ASAP3: variants seen among roughly 807,000 people sequenced by gnomAD.
ASAP3 encodes ArfGAP with SH3 domain, ankyrin repeat and PH domain 3.
A neutral mutation model predicts 118.2 loss-of-function variants in ASAP3; 85 were observed. The observed-to-expected ratio is 0.72, with a 90% CI of 0.60 to 0.86. The LOEUF (loss-of-function observed/expected upper bound fraction) is 0.86. Ranked by LOEUF, ASAP3 falls within the 40% of genes least tolerant of loss-of-function variation. The pLI, the probability that ASAP3 is intolerant of heterozygous loss-of-function variation, is 0.00. For missense variants in ASAP3, 1,026 were observed against 1,175.0 expected, an observed-to-expected ratio of 0.87 and a Z score of 1.85; for synonymous variants, 432 against 477.4, an observed-to-expected ratio of 0.90 and a Z score of 1.24.
chr1:23,471,806 G>A (rs545231642), intron 1 of ASAP3, among the ~76,000 whole-genome samples: 1 of 152,216 alleles, frequency 6.6e-6, no homozygotes. Flanking sequence ...AGCTATTCCT[G>A]CCCAGCAGAC....
chr1:23,456,093 C>T (rs1641375623), intron 2 of ASAP3, 29 bp downstream of exon 2: 2 of 1,613,904 alleles, frequency 1.2e-6, no homozygotes, highest in Non-Finnish European at 1.7e-6. Flanking sequence ...GCTTCCTGAC[C>T]AGGCGGGGCA....
intron 4 of ASAP3, among the ~76,000 whole-genome samples, chr1:23,451,850 G>A (rs1293306676): frequency 6.6e-6 from 1 of 152,206 alleles, no homozygotes; most frequent in African/African-American, 2.4e-5. Flanking sequence ...CTCTTGCTCA[G>A]AAGAGAGATC....
In ASAP3 at chr1:23,436,732, C is replaced by T; in HGVS notation, c.1477-78G>A. On this transcript the variant is annotated intron_variant, in intron 15 of 24. Coordinates refer to ENST00000336689, the MANE Select transcript of ASAP3 (RefSeq NM_017707.4). The surrounding 1 kb of genome is among the most constrained non-coding windows in gnomAD (Gnocchi z 4.2). ...CTGCATAGGGTGGAGCTCCAAGCCC[C>T]CAGAGTCCCGCCCCTCGGCCGCCCT... The T allele has an allele frequency of 6.3e-7, 1 of 1,588,888 alleles. No homozygotes were observed. Among genetic ancestry groups the T allele is most frequent in the South Asian group, 1.1e-5 (1 of 89,772 alleles).
rs567602365 is a variant in ASAP3, at chr1:23,429,048, A to G, written c.*808T>C. On this transcript the variant is annotated 3_prime_UTR_variant, in exon 25 of 25. Coordinates refer to ENST00000336689, the MANE Select transcript of ASAP3 (RefSeq NM_017707.4). Reference sequence around the variant, plus strand: ...CTATTCCTTTCCTTCCTGCTAAATCAAGGACACAGGCAAATGTGGGTGCAT... The same window carrying G: ...CTATTCCTTTCCTTCCTGCTAAATCGAGGACACAGGCAAATGTGGGTGCAT... The G allele has an allele frequency of 2.6e-5, 4 of 154,832 alleles. No homozygotes were observed. In the East Asian group the frequency reaches 7.7e-4, roughly 30 times the overall value. The allele number at this position is 154,832 out of a possible 1,614,324, so 9.6% of individuals were successfully genotyped here.
At chr1:23,457,241 C>T (rs183555183) in intron 1 of ASAP3, among the ~76,000 whole-genome samples, 2 of 152,244 alleles carry the variant, frequency 1.3e-5, no homozygotes, top group East Asian at 3.9e-4. Flanking sequence ...ACCACAGCCC[C>T]ACCCTGACCC....
chr1:23,462,210 G>A (rs1641615349), intron 1 of ASAP3, among the ~76,000 whole-genome samples: 1 of 151,410 alleles, frequency 6.6e-6, no homozygotes, highest in Non-Finnish European at 1.5e-5. Context: ...TTTTTTAGTA[G>A]AGACGGGGTT....
chr1:23,462,215 G>A (rs557791864), intron 1 of ASAP3, among the ~76,000 whole-genome samples: 35 of 151,392 alleles, frequency 2.3e-4, no homozygotes, highest in African/African-American at 7.3e-4. Context: ...TAGTAGAGAC[G>A]GGGTTTCACC....
chr1:23,435,875 C>G lies in ASAP3; in HGVS notation c.1725G>C (p.Gln575His), dbSNP rs1170461118. The change falls in exon 17 of 25, where the codon CAG (glutamine) becomes CAC (histidine). Residue 575 changes from glutamine to histidine, a missense_variant. By Grantham distance (24) the Gln-to-His change is conservative (BLOSUM62 0). Coordinates refer to ENST00000336689, the MANE Select transcript of ASAP3 (RefSeq NM_017707.4). ...EAFANGQDFG[Q>H]PLPGPDAQAP... ...CCTGTGCATCAGGCCCTGGCAGCGGCTGTCCAAAGTCCTGCCCATTGGCAA... is the reference window on the plus strand; with the variant it reads ...CCTGTGCATCAGGCCCTGGCAGCGGGTGTCCAAAGTCCTGCCCATTGGCAA... 1.2e-6 allele frequency: 2 copies of G among 1,614,166 alleles called. No individual in the cohort carries two copies. The highest frequency in any genetic ancestry group is 3.3e-5 in the Admixed American group (2 of 60,018).
chr1:23,473,830 C>T (rs915612544), intron 1 of ASAP3, among the ~76,000 whole-genome samples: 1 of 151,962 alleles, frequency 6.6e-6, no homozygotes, highest in African/African-American at 2.4e-5. Flanking sequence ...GTTGGGTCCC[C>T]AGTCCATCCT....
At chr1:23,477,340 G>A (rs1267209218) in intron 1 of ASAP3, among the ~76,000 whole-genome samples, 1 of 128,480 alleles carries the variant, frequency 7.8e-6, no homozygotes, top group African/African-American at 2.9e-5. Flanking sequence ...TCACGCCACT[G>A]CACTCCAGCC....
rs1640716139 is a variant in ASAP3, at chr1:23,437,426, C to G, written c.1149G>C (p.Glu383Asp). ...GGGCTGGCCGAGGGGGCACTCACGC[C>G]TCACACTCGTGCTCGTCCTCTGCCT... ...HFQAEDEHEC[E>D]AWVSVLQNSK... The change falls in exon 13 of 25, where the codon GAG (glutamate) becomes GAC (aspartate). Residue 383 changes from glutamate (E) to aspartate (D), a missense_variant and splice_region_variant. By Grantham distance (45) the Glu-to-Asp change is conservative (BLOSUM62 2). Transcript: ENST00000336689. The surrounding 1 kb of genome is among the most constrained non-coding windows in gnomAD (Gnocchi z 6.1). 1.2e-6 allele frequency: 2 copies of G among 1,614,060 alleles called. No individual in the cohort carries two copies. Among genetic ancestry groups the G allele is most frequent in the South Asian group, 1.1e-5 (1 of 91,084 alleles).
chr1:23,472,766 T>C (rs941434389), intron 1 of ASAP3, among the ~76,000 whole-genome samples: 6 of 152,216 alleles, frequency 3.9e-5, no homozygotes, highest in African/African-American at 1.2e-4. Flanking sequence ...AGAGGGAATT[T>C]TAAAAAATTA....
At chr1:23,444,887 C>T (rs1640999679) in intron 5 of ASAP3, among the ~76,000 whole-genome samples, 1 of 151,474 alleles carries the variant, frequency 6.6e-6, no homozygotes, top group African/African-American at 2.4e-5. Flanking sequence ...TCCCTGACCT[C>T]CACCCACTAG....
intron 1 of ASAP3, among the ~76,000 whole-genome samples, chr1:23,481,953 AGGATGGGCTG>A (rs1325540593): frequency 6.6e-6 from 1 of 152,234 alleles, no homozygotes; most frequent in East Asian, 1.9e-4. Context: ...AGCTCTCCAA[AGGATGGGCTG>A]GACAGCAGTG....
Position 23,434,236 on chromosome 1 carries a change from G to A in ASAP3, c.1951+18C>T. The A allele has an allele frequency of 6.2e-7, 1 of 1,611,502 alleles. No individual in the cohort carries two copies. Among genetic ancestry groups the A allele is most frequent in the Non-Finnish European group, 8.5e-7 (1 of 1,177,644 alleles). The stretch of plus-strand genomic sequence containing the variant: ...AGTCAGGAATAGGAGTCTGACGGAG[G>A]AGGTATTCAAGCCCCACCTGTGCCA... On this transcript the variant is annotated intron_variant, in intron 19 of 24. Transcript: ENST00000336689.
intron 5 of ASAP3, among the ~76,000 whole-genome samples, chr1:23,448,030 G>T (rs915879061): frequency 6.6e-6 from 1 of 152,076 alleles, no homozygotes; most frequent in Non-Finnish European, 1.5e-5. Context: ...TATCCTCAAA[G>T]GATCACCAAC....
At chr1:23,435,805 T>C in intron 17 of ASAP3, 46 bp downstream of exon 17, 1 of 1,608,020 alleles carries the variant, frequency 6.2e-7, no homozygotes, top group South Asian at 1.1e-5. Flanking sequence ...AACTGGGGAA[T>C]ATGTTAGACA....
chr1:23,445,278 C>G (rs1260299982), intron 5 of ASAP3, among the ~76,000 whole-genome samples: 1 of 152,026 alleles, frequency 6.6e-6, no homozygotes, highest in Non-Finnish European at 1.5e-5. Context: ...TTGCTTGAGC[C>G]CAGAAGTTCG....
rs886162370 is a variant in ASAP3, at chr1:23,431,846, G to A, written c.2396C>T (p.Ser799Phe). The change falls in exon 23 of 25, where the codon TCC (serine) becomes TTC (phenylalanine). Residue 799 changes from serine to phenylalanine, a missense_variant. Transcript: ENST00000336689. Reference sequence around the variant, plus strand: ...TTCCAAGGGGCTCATCAGACTGGAGGAGGAGGCTGGACTGCCCAGGCTCTC... The same window carrying A: ...TTCCAAGGGGCTCATCAGACTGGAGAAGGAGGCTGGACTGCCCAGGCTCTC... ...TPESLGSPAS[S>F]SSLMSPLEPG... is the part of the protein sequence containing the mutation. 6.3e-7 allele frequency: 1 copy of A among 1,592,214 alleles called. No homozygotes were observed. Among genetic ancestry groups the A allele is most frequent in the Non-Finnish European group, 8.5e-7 (1 of 1,173,360 alleles).
Sources: gnomAD v4.1 joint callset for allele counts (sites outside exome capture counted in the v4.1 genomes callset) on GRCh38, gnomAD v4.1.1 for gene constraint, Gnocchi (gnomAD v3.1) non-coding constraint, MANE v1.5 for transcripts, NCBI Gene and HGNC (gene_info 2026-07-23, HGNC 2026-07-21) for gene names.